Variants in TBC1D8B observed in about 807,000 individuals in gnomAD.
The protein encoded by TBC1D8B is TBC1 domain family member 8B, also known as RP11-321G1.1.
A neutral mutation model predicts 82.9 loss-of-function variants in TBC1D8B; 75 were observed. The ratio of observed to expected loss-of-function variants is 0.90; its 90% CI spans 0.75 to 1.10. The LOEUF (loss-of-function observed/expected upper bound fraction) is 1.10, where lower values mean the gene tolerates loss of function less well. Among genes scored for constraint, TBC1D8B ranks in the 50% least tolerant of loss-of-function variants. The pLI is 0.00. For missense variants in TBC1D8B, 794 were observed against 796.9 expected, an observed-to-expected ratio of 1.00 and a Z score of 0.04; for synonymous variants, 276 against 276.8, an observed-to-expected ratio of 1.00 and a Z score of 0.03.
chrX:106,829,369 C>T (rs1211824761), intron 7 of TBC1D8B: 1 of 103,874 alleles, frequency 9.6e-6, no homozygotes, highest in Non-Finnish European at 1.9e-5. Context: ...CCATACTGCC[C>T]AAGGTAATTT....
chrX:106,862,784 T>G (rs967151562), intron 14 of TBC1D8B, among the ~76,000 whole-genome samples: 17 of 94,744 alleles, frequency 1.8e-4, no homozygotes, highest in Middle Eastern at 5.2e-3. Flanking sequence ...TTGTTTTTTT[T>G]TTTTTTTTTT....
At chrX:106,820,429 T>C (rs1482344133) in intron 2 of TBC1D8B, among the ~76,000 whole-genome samples, 1 of 111,562 alleles carries the variant, frequency 9.0e-6, no homozygotes, top group Non-Finnish European at 1.9e-5. Flanking sequence ...AATCTACATT[T>C]ACTTAGCATG....
At chrX:106,858,927 G>A (rs929205833) in intron 14 of TBC1D8B, among the ~76,000 whole-genome samples, 16 of 111,696 alleles carry the variant, frequency 1.4e-4, no homozygotes, top group Admixed American at 2.8e-4. Context: ...TTCTACCTGT[G>A]GTTAGCCAGT....
intron 1 of TBC1D8B, among the ~76,000 whole-genome samples, 196 bp downstream of exon 1, chrX:106,803,179 C>A (rs1931081790): frequency 8.9e-6 from 1 of 111,763 alleles, no homozygotes; most frequent in African/African-American, 3.3e-5. Flanking sequence ...ACGAGTTGCT[C>A]TTTGGTTGGG....
chrX:106,854,567 G>A (rs1416946695), intron 14 of TBC1D8B, among the ~76,000 whole-genome samples: 6 of 110,761 alleles, frequency 5.4e-5, no homozygotes, highest in Admixed American at 3.8e-4. Flanking sequence ...AGGCTGGAGT[G>A]CAGTGGCATG....
chrX:106,873,591 A>C lies in TBC1D8B; in HGVS notation c.2989A>C (p.Lys997Gln). 8.3e-7 allele frequency: 1 copy of C among 1,199,072 alleles called. No homozygotes were observed. The highest frequency in any genetic ancestry group is 1.1e-6 in the Non-Finnish European group (1 of 891,140). ...MNQSQFIQFSKTLYNLFHEDP... is the reference protein window; with the variant it reads ...MNQSQFIQFSQTLYNLFHEDP... ...CTAGTCTCAGTTTATTCAGTTTTCA[A>C]AGACCCTCTATAACTTATTTCATGA... is the stretch of plus-strand genomic sequence containing the variant. Residue 997 changes from lysine to glutamine, a missense_variant, in exon 21 of 21, where the codon AAG becomes CAG. Coordinates refer to ENST00000357242, the MANE Select transcript of TBC1D8B (RefSeq NM_017752.3).
chrX:106,867,434 A>G (rs1302888514), intron 17 of TBC1D8B, among the ~76,000 whole-genome samples: 1 of 111,753 alleles, frequency 8.9e-6, no homozygotes, highest in African/African-American at 3.2e-5. Flanking sequence ...TGGAAAGATA[A>G]AAATTTGCCA....
At chrX:106,830,311 A>G (rs1206047699) in intron 7 of TBC1D8B, among the ~76,000 whole-genome samples, 2 of 111,467 alleles carry the variant, frequency 1.8e-5, no homozygotes. Context: ...GCTGGAGGGG[A>G]TGTGGAGAAA....
chrX:106,828,738 A>G (rs1411671351), intron 7 of TBC1D8B: 3 of 109,845 alleles, frequency 2.7e-5, no homozygotes, highest in Non-Finnish European at 3.8e-5. Context: ...ACAAAATTCA[A>G]CAACCCTTCA....
rs761948032 is a variant in TBC1D8B, at chrX:106,849,220, A to ATTTTTTTTTT, written c.1838-792_1838-783dup. Reference sequence around the variant, plus strand: ...TGTCTTTCATTATAATTATTTGTGTATTTTTTTTTTTTTTTTTTTTTTAGG... The same window carrying ATTTTTTTTTT: ...TGTCTTTCATTATAATTATTTGTGTATTTTTTTTTTTTTTTTTTTTTTTTTTTTTTTTAGG... On this transcript the variant is annotated intron_variant, in intron 11 of 20. Transcript: ENST00000357242. 5.6e-5 allele frequency: 49 copies of ATTTTTTTTTT among 879,207 alleles called. 4 individuals are homozygous for ATTTTTTTTTT. The highest frequency in any genetic ancestry group is 4.4e-4 in the Middle Eastern group (1 of 2,262). 72.5% of individuals were successfully genotyped at this position (879,207 alleles called of 1,213,427 possible).
chrX:106,837,214 A>C (rs1457912406), intron 7 of TBC1D8B, among the ~76,000 whole-genome samples: 1 of 111,901 alleles, frequency 8.9e-6, no homozygotes, highest in East Asian at 2.8e-4. Flanking sequence ...AAAATTAAAA[A>C]CTTTTGTGCT....
intron 14 of TBC1D8B, among the ~76,000 whole-genome samples, chrX:106,863,647 A>G (rs943286790): frequency 8.9e-6 from 1 of 111,860 alleles, no homozygotes; most frequent in Non-Finnish European, 1.9e-5. Context: ...TGAGGGTACC[A>G]GGGGTTGCAA....
intron 17 of TBC1D8B, 59 bp downstream of exon 17, chrX:106,866,921 A>G: frequency 1.1e-6 from 1 of 871,097 alleles, no homozygotes; most frequent in African/African-American, 2.0e-5. Flanking sequence ...TTTAGCAAGT[A>G]TAATTACAGA....
At chrX:106,849,447 A>G (rs1932540762) in intron 11 of TBC1D8B, 1 of 1,025,765 alleles carries the variant, frequency 9.7e-7, no homozygotes, top group East Asian at 3.7e-5. Context: ...TGACCAGGAT[A>G]TAAGTGGATG....
chrX:106,873,066 A>G (rs1283258644), intron 20 of TBC1D8B, among the ~76,000 whole-genome samples: 1 of 112,080 alleles, frequency 8.9e-6, no homozygotes, highest in Non-Finnish European at 1.9e-5. Context: ...AATAAGTGAG[A>G]GCACTTAAAT....
At chrX:106,814,054 A>G (rs1246210959) in intron 1 of TBC1D8B, 2 of 95,837 alleles carry the variant, frequency 2.1e-5, no homozygotes, top group Non-Finnish European at 4.1e-5. Flanking sequence ...TCCCCTTCGT[A>G]TGTTCATGTG....
rs759723586 is a variant in TBC1D8B, at chrX:106,812,171, A to G, written c.131-6492A>G. On this transcript the variant is annotated intron_variant, in intron 1 of 20. Transcript: ENST00000357242. ...TTGAATTATTCCAAAATAAGCATTC[A>G]TAGTGTCATTTTAAGGACTTACATC... Among the ~76,000 whole-genome samples the G allele has an allele frequency of 3.1e-3, 352 of 112,127 alleles. 4 individuals are homozygous for G. The highest frequency in any genetic ancestry group is 0.011 in the African/African-American group (345 of 30,981).
intron 19 of TBC1D8B, 21 bp from the exon 20 acceptor site, chrX:106,870,695 G>A (rs1311735927): frequency 1.9e-6 from 2 of 1,080,027 alleles, no homozygotes; most frequent in Non-Finnish European, 2.6e-6. Context: ...CTTATGAAAT[G>A]GTTTTACTCC....
Position 106,853,631 on chromosome X carries a change from T to A in TBC1D8B, c.2234T>A (p.Leu745Ter). 1 of 1,208,080 alleles carries A rather than the reference T, an allele frequency of 8.3e-7. No homozygotes were observed. The highest frequency in any genetic ancestry group is 3.0e-5 in the East Asian group (1 of 33,721). ...CATACTAGAGTGGATATTACAGATT[T>A]GATTAGAGAATCAAATGAGGTAAGT... ...TSHTRVDITDLIRESNEKYGN... is the reference protein window; with the variant it reads ...TSHTRVDITD The change falls in exon 13 of 21, where the codon TTG becomes TAG. Residue 745 changes from leucine (L) to a stop codon, truncating the protein, a stop_gained. Coordinates refer to ENST00000357242, the MANE Select transcript of TBC1D8B (RefSeq NM_017752.3). LOFTEE classifies it high-confidence loss of function.
Sources: gnomAD v4.1 joint callset for allele counts (sites outside exome capture counted in the v4.1 genomes callset) on GRCh38, gnomAD v4.1.1 for gene constraint, MANE v1.5 for transcripts, NCBI Gene and HGNC (gene_info 2026-07-23, HGNC 2026-07-21) for gene names.